Variants in RBX1 observed in about 807,000 individuals in gnomAD.
The protein encoded by RBX1 is ring-box 1, also known as E3 ubiquitin-protein ligase RBX1.
For synonymous variants in RBX1, 48 were observed against 47.9 expected (o/e 1.00, Z -0.01); for missense variants, 46 against 141.4 (o/e 0.33, Z 3.42).
intron 2 of RBX1, among the ~76,000 whole-genome samples, chr22:40,960,774 TTTAA>T (rs1173606728): frequency 6.6e-5 from 10 of 152,214 alleles, no homozygotes; most frequent in African/African-American, 2.4e-4. Flanking sequence ...TTTGTTTGTT[TTTAA>T]GATGGAGTCT....
chr22:40,969,662 A>T (rs966299951), intron 4 of RBX1, among the ~76,000 whole-genome samples: 1 of 152,118 alleles, frequency 6.6e-6, no homozygotes, highest in Non-Finnish European at 1.5e-5. Context: ...AGGCAGGTGG[A>T]TCATTTGAGG....
At chr22:40,966,866 G>C (rs1569045323) in intron 3 of RBX1, 1 of 152,126 alleles carries the variant, frequency 6.6e-6, no homozygotes, top group Non-Finnish European at 1.5e-5. Context: ...CACTTGCTGC[G>C]TCTGTCCTAA....
At chr22:40,959,590 C>T (rs906964057) in intron 2 of RBX1, among the ~76,000 whole-genome samples, 16 of 152,278 alleles carry the variant, frequency 1.1e-4, no homozygotes, top group African/African-American at 3.1e-4. Context: ...ACGCGTGGAT[C>T]GTGTGAGGCC....
chr22:40,963,389 A>T (rs2058346192), intron 2 of RBX1, among the ~76,000 whole-genome samples: 2 of 151,870 alleles, frequency 1.3e-5, no homozygotes, highest in Non-Finnish European at 2.9e-5. Flanking sequence ...TAATCCCAGC[A>T]CTTTGGGAGG....
At chr22:40,957,215 C>T (rs977556499) in intron 2 of RBX1, among the ~76,000 whole-genome samples, 1 of 150,568 alleles carries the variant, frequency 6.6e-6, no homozygotes. Flanking sequence ...CGTGGTAGCA[C>T]GCACCTGTAA....
chr22:40,970,674 CTGAAT>C (rs2058366736), intron 4 of RBX1, among the ~76,000 whole-genome samples: 1 of 151,942 alleles, frequency 6.6e-6, no homozygotes, highest in African/African-American at 2.4e-5. Context: ...ATTTTCTTTA[CTGAAT>C]TTTTTACGGG....
intron 4 of RBX1, among the ~76,000 whole-genome samples, chr22:40,969,578 A>G (rs570886594): frequency 2.6e-5 from 4 of 151,878 alleles, no homozygotes; most frequent in Non-Finnish European, 5.9e-5. Flanking sequence ...TTGAAACCCC[A>G]TCTCTACCAA....
intron 2 of RBX1, among the ~76,000 whole-genome samples, chr22:40,956,190 ACAT>A (rs2078085036): frequency 6.6e-6 from 1 of 152,132 alleles, no homozygotes; most frequent in Non-Finnish European, 1.5e-5. Flanking sequence ...AATGCTTGAG[ACAT>A]CATATTAGGC....
intron 4 of RBX1, among the ~76,000 whole-genome samples, chr22:40,971,664 C>A (rs928987381): frequency 3.9e-5 from 6 of 152,034 alleles, no homozygotes; most frequent in Non-Finnish European, 7.4e-5. Context: ...TGAAGCAGTT[C>A]TCTTGCCTCA....
chr22:40,968,433 T>C (rs539536521), intron 4 of RBX1, among the ~76,000 whole-genome samples: 4 of 152,238 alleles, frequency 2.6e-5, no homozygotes, highest in African/African-American at 4.8e-5. Context: ...GAAAATGTGA[T>C]AATCTATGAA....
intron 2 of RBX1, 86 bp downstream of exon 2, chr22:40,953,719 C>G (rs936714157): frequency 8.8e-6 from 8 of 909,854 alleles, no homozygotes; most frequent in Non-Finnish European, 1.5e-5. Flanking sequence ...CTTCTTCACA[C>G]GAGGAGATAG....
intron 1 of RBX1, among the ~76,000 whole-genome samples, chr22:40,951,732 C>T (rs939930250): frequency 6.8e-6 from 1 of 146,434 alleles, no homozygotes; most frequent in Non-Finnish European, 1.5e-5. Context: ...CGCGGGGTTG[C>T]GACTTGGCGG....
intron 4 of RBX1, among the ~76,000 whole-genome samples, chr22:40,969,547 C>T (rs898556449): frequency 1.3e-5 from 2 of 152,074 alleles, no homozygotes; most frequent in African/African-American, 2.4e-5. Flanking sequence ...TCCACTAGTT[C>T]GAGACCAGCC....
chr22:40,967,856 T>C lies in RBX1; in HGVS notation c.286T>C (p.Leu96=). ...GCTCAAAACACGACAGGTGTGTCCATTGGACAACAGAGAGTGGGAATTCCA... is the reference window on the plus strand; with the variant it reads ...GCTCAAAACACGACAGGTGTGTCCACTGGACAACAGAGAGTGGGAATTCCA... The part of the protein sequence containing the change: ...RWLKTRQVCP[L]DNREWEFQKY... Residue 96 remains leucine (L), a synonymous_variant, in exon 4 of 5, where the codon TTG becomes CTG. Coordinates refer to ENST00000216225, the MANE Select transcript of RBX1 (RefSeq NM_014248.4). 1.9e-6 allele frequency: 3 copies of C among 1,613,734 alleles called. No individual in the cohort carries two copies. Among genetic ancestry groups the C allele is most frequent in the African/African-American group, 1.3e-5 (1 of 75,038 alleles).
At chr22:40,971,183 A>T (rs1213445762) in intron 4 of RBX1, among the ~76,000 whole-genome samples, 1 of 152,174 alleles carries the variant, frequency 6.6e-6, no homozygotes, top group East Asian at 1.9e-4. Context: ...GGTATGAAGA[A>T]TTCCTTATCT....
chr22:40,952,368 G>GAT (rs1265285177), intron 1 of RBX1, among the ~76,000 whole-genome samples: 2 of 152,206 alleles, frequency 1.3e-5, no homozygotes, highest in Non-Finnish European at 2.9e-5. Context: ...AAATAGGGAA[G>GAT]ATATTCCTAG....
chr22:40,956,394 CT>C lies in RBX1; in HGVS notation c.157+2781del, dbSNP rs552394610. 6.1e-3 allele frequency among the ~76,000 whole-genome samples: 829 copies of C among 135,374 alleles called. 2 individuals are homozygous for C. Among genetic ancestry groups the C allele is most frequent in the East Asian group, 0.035 (166 of 4,720 alleles). The allele number at this position is 135,374 out of a possible 152,430, so 88.8% of individuals were successfully genotyped here. On this transcript the variant is annotated intron_variant, in intron 2 of 4. Coordinates refer to ENST00000216225, the MANE Select transcript of RBX1 (RefSeq NM_014248.4). ...TGAGTGAGATCGGGCAGGTCTTTAC[CT>C]TTTTTTTTTTTTTTTTTTTAAAGAC... is the stretch of plus-strand genomic sequence containing the variant.
chr22:40,956,684 A>C (rs1475927518), intron 2 of RBX1, among the ~76,000 whole-genome samples: 1 of 151,598 alleles, frequency 6.6e-6, no homozygotes, highest in Non-Finnish European at 1.5e-5. Flanking sequence ...GGCCTCCCAA[A>C]GTGCCGGGAT....
chr22:40,953,414 A>G (rs2058316671), intron 1 of RBX1, 141 bp from the exon 2 acceptor site: 1 of 587,080 alleles, frequency 1.7e-6, no homozygotes, highest in South Asian at 1.8e-5. Context: ...GTATAATAAG[A>G]TTAACGTAAT....
Sources: allele counts gnomAD v4.1 joint callset (sites outside exome capture counted in the v4.1 genomes callset), GRCh38; gene constraint gnomAD v4.1.1; transcripts MANE v1.5; gene names NCBI Gene and HGNC (gene_info 2026-07-23, HGNC 2026-07-21).